The following PCDHGA2 variants were observed in gnomAD, a reference collection of about 807,000 sequenced individuals.
The protein encoded by PCDHGA2 is protocadherin gamma subfamily A, 2, also known as protocadherin gamma-A2.
A neutral mutation model predicts 59.2 loss-of-function variants in PCDHGA2; 40 were observed. That is an observed-to-expected ratio of 0.68 (90% CI 0.52 to 0.88). The LOEUF (loss-of-function observed/expected upper bound fraction) is 0.88. PCDHGA2 is among the 40% of genes least tolerant of loss of function. The pLI is 0.00. For synonymous variants in PCDHGA2, 560 were observed against 526.0 expected (o/e 1.06, Z -0.89); for missense variants, 1,226 against 1,204.0 (o/e 1.02, Z -0.27).
At position 141,357,135 on chromosome 5, in the gene PCDHGA2, C is replaced by G. The variant is rs566379742; in HGVS notation, c.2424+15740C>G. On this transcript the variant is annotated intron_variant, in intron 1 of 3. Coordinates refer to ENST00000394576, the MANE Select transcript of PCDHGA2 (RefSeq NM_018915.4). Reference sequence around the variant, plus strand: ...CGCTCAAGCAGAGGCTTGTAGTGGTCGTCCAGGACCATGGCCAGCCCCCTC... The same window carrying G: ...CGCTCAAGCAGAGGCTTGTAGTGGTGGTCCAGGACCATGGCCAGCCCCCTC... The G allele has an allele frequency of 1.9e-4, 305 of 1,613,504 alleles. 5 individuals are homozygous for G. The South Asian group carries it at 3.1e-3, about 16-fold the overall frequency.
chr5:141,375,706 T>A lies in PCDHGA2; in HGVS notation c.2424+34311T>A, dbSNP rs1771783904. 12 of 1,614,114 alleles carry A rather than the reference T, an allele frequency of 7.4e-6. No individual in the cohort carries two copies. The East Asian group carries it at 2.2e-4, about 30-fold the overall frequency. On this transcript the variant is annotated intron_variant, in intron 1 of 3. Coordinates refer to ENST00000394576, the MANE Select transcript of PCDHGA2 (RefSeq NM_018915.4). ...CAGCCAGCGACAGCGGGGACCCGCCTCTTAGCAGCAACGTGTCACTGAGCC... is the reference window on the plus strand; with the variant it reads ...CAGCCAGCGACAGCGGGGACCCGCCACTTAGCAGCAACGTGTCACTGAGCC...
chr5:141,364,178 C>G (rs946798028), intron 1 of PCDHGA2: 1 of 887,846 alleles, frequency 1.1e-6, no homozygotes, highest in Admixed American at 3.6e-5. Flanking sequence ...ACTCTGCTCC[C>G]TCCATACTAA....
In PCDHGA2 at chr5:141,375,892, G is replaced by C. The variant is rs753797132; in HGVS notation, c.2424+34497G>C. On this transcript the variant is annotated intron_variant, in intron 1 of 3. Transcript: ENST00000394576. ...ACAGAGACTCGGGCCAGAACGCCTG[G>C]CTGTCCTACCGCCTGCTCAAGGCCA... is the stretch of plus-strand genomic sequence containing the variant. 5 of 1,613,676 alleles carry C rather than the reference G, an allele frequency of 3.1e-6. No individual in the cohort carries two copies. In the Admixed American group the frequency reaches 8.3e-5, roughly 27 times the overall value.
chr5:141,422,661 C>T (rs1289162498), intron 1 of PCDHGA2: 7 of 1,608,938 alleles, frequency 4.4e-6, no homozygotes, highest in Admixed American at 1.7e-5. Flanking sequence ...TGACCGCCCT[C>T]GACCCGGACA....
rs368936951 is a variant in PCDHGA2 at position 141,346,247 on chromosome 5, G to A, written c.2424+4852G>A. ...GCGGCTTGGCGAGTACGCCCGGCTCGCACTTTGTGGGCGCGGACGGGGTTC... is the reference window on the plus strand; with the variant it reads ...GCGGCTTGGCGAGTACGCCCGGCTCACACTTTGTGGGCGCGGACGGGGTTC... On this transcript the variant is annotated intron_variant, in intron 1 of 3. Coordinates refer to ENST00000394576, the MANE Select transcript of PCDHGA2 (RefSeq NM_018915.4). The A allele has an allele frequency of 3.7e-6, 6 of 1,614,046 alleles. No homozygotes were observed. In the African/African-American group the frequency reaches 5.3e-5, roughly 14 times the overall value.
At chr5:141,374,566 T>A in intron 1 of PCDHGA2, 1 of 1,613,700 alleles carries the variant, frequency 6.2e-7, no homozygotes, top group Non-Finnish European at 8.5e-7. Context: ...ATGACCCTGA[T>A]GTGGGAATGA....
chr5:141,512,656 C>G lies in PCDHGA2; in HGVS notation c.*1483C>G, dbSNP rs1262748947. ...CCCTTACAGTAGTGTAGCGCCCCCT[C>G]CCTCTTTCGGCTGGTGTAGAATAGC... On this transcript the variant is annotated 3_prime_UTR_variant, in exon 4 of 4. Coordinates refer to ENST00000394576, the MANE Select transcript of PCDHGA2 (RefSeq NM_018915.4). 1 of 152,508 alleles carries G rather than the reference C, an allele frequency of 6.6e-6. No homozygotes were observed. The highest frequency in any genetic ancestry group is 1.5e-5 in the Non-Finnish European group (1 of 68,228). The allele number at this position is 152,508 out of a possible 1,614,324, so 9.4% of individuals were successfully genotyped here.
At chr5:141,391,618 TA>T (rs2092399304) in intron 1 of PCDHGA2, 3 of 152,366 alleles carry the variant, frequency 2.0e-5, no homozygotes, top group African/African-American at 7.2e-5. Flanking sequence ...TGAGTGGTTT[TA>T]AGAAAGTTTT....
At chr5:141,369,198 T>C (rs1466766598) in intron 1 of PCDHGA2, among the ~76,000 whole-genome samples, 1 of 152,172 alleles carries the variant, frequency 6.6e-6, no homozygotes, top group Non-Finnish European at 1.5e-5. Flanking sequence ...TATCAGATGG[T>C]AAACTGGGGA....
chr5:141,431,609 G>A lies in PCDHGA2; in HGVS notation c.2425-63198G>A. The A allele has an allele frequency of 6.2e-7, 1 of 1,614,232 alleles. No homozygotes were observed. The highest frequency in any genetic ancestry group is 8.5e-7 in the Non-Finnish European group (1 of 1,180,046). On this transcript the variant is annotated intron_variant, in intron 1 of 3. Coordinates refer to ENST00000394576, the MANE Select transcript of PCDHGA2 (RefSeq NM_018915.4). The surrounding 1 kb of genome is among the most constrained non-coding windows in gnomAD (Gnocchi z 4.8). ...GGAAGTGAGGTATTCCTTCCGGTAT[G>A]TGGACGACAAGGCGGCCCAAGTTTT...
In PCDHGA2 at chr5:141,476,784, C is replaced by A; in HGVS notation, c.2425-18023C>A. 1 of 1,613,520 alleles carries A rather than the reference C, an allele frequency of 6.2e-7. No homozygotes were observed. On this transcript the variant is annotated intron_variant, in intron 1 of 3. Transcript: ENST00000394576. The surrounding 1 kb of genome is among the most constrained non-coding windows in gnomAD (Gnocchi z 7.6). ...ACGGCGTTGGACGGAGGGACCCCAGCTCTCTCCGCCAGCCTGCCTATTCAC... is the reference window on the plus strand; with the variant it reads ...ACGGCGTTGGACGGAGGGACCCCAGATCTCTCCGCCAGCCTGCCTATTCAC...
At chr5:141,365,039 G>A (rs577848371) in intron 1 of PCDHGA2, 12 of 1,613,840 alleles carry the variant, frequency 7.4e-6, no homozygotes, top group Non-Finnish European at 9.3e-6. Flanking sequence ...CGACGCAAAC[G>A]ACAATGCGCC....
Position 141,485,449 on chromosome 5 carries a change from A to G in PCDHGA2, c.2425-9358A>G, listed in dbSNP as rs2099613844. 6.2e-7 allele frequency: 1 copy of G among 1,614,054 alleles called. No homozygotes were observed. The highest frequency in any genetic ancestry group is 2.2e-5 in the East Asian group (1 of 44,876). On this transcript the variant is annotated intron_variant, in intron 1 of 3. Coordinates refer to ENST00000394576, the MANE Select transcript of PCDHGA2 (RefSeq NM_018915.4). The surrounding 1 kb of genome is among the most constrained non-coding windows in gnomAD (Gnocchi z 5.7). ...TGCTCATCAAGAACCCAATCGACCG[A>G]GAGGCACTGTGTGGGCTCAGTGCCA...
At chr5:141,384,945 C>T in intron 1 of PCDHGA2, 2 of 1,614,120 alleles carry the variant, frequency 1.2e-6, no homozygotes, top group Non-Finnish European at 1.7e-6. Context: ...AGCCCTCCGA[C>T]GGTCCTTACA....
chr5:141,343,625 A>G (rs918997188), intron 1 of PCDHGA2, among the ~76,000 whole-genome samples: 1 of 152,240 alleles, frequency 6.6e-6, no homozygotes, highest in African/African-American at 2.4e-5. Context: ...TTCCCAAGAA[A>G]GATAACTTGA....
intron 1 of PCDHGA2, chr5:141,345,502 C>A: frequency 1.2e-6 from 2 of 1,614,192 alleles, no homozygotes; most frequent in Non-Finnish European, 1.7e-6. Flanking sequence ...ATCACTTATG[C>A]ATTGACCGAG....
rs192631651 is a variant in PCDHGA2 at position 141,432,052 on chromosome 5, C to T, written c.2425-62755C>T. On this transcript the variant is annotated intron_variant, in intron 1 of 3. Transcript: ENST00000394576. This position sits in a 1 kb window ranked among gnomAD's most constrained non-coding sequence, Gnocchi z 6.0. ...CCGCCACTGACCGGGGAACCCCGCC[C>T]CTATCCACGGAAACTCATATCTCGC... is the stretch of plus-strand genomic sequence containing the variant. The T allele has an allele frequency of 1.2e-6, 2 of 1,614,108 alleles. No individual in the cohort carries two copies. The highest frequency in any genetic ancestry group is 1.3e-5 in the African/African-American group (1 of 74,930).
At chr5:141,387,628 G>A (rs2091015052) in intron 1 of PCDHGA2, 1 of 577,308 alleles carries the variant, frequency 1.7e-6, no homozygotes, top group Admixed American at 3.5e-5. Context: ...GCTGACTCTG[G>A]GCGCCGCTGT....
chr5:141,383,476 G>A, intron 1 of PCDHGA2: 1 of 1,613,748 alleles, frequency 6.2e-7, no homozygotes, highest in Non-Finnish European at 8.5e-7. Flanking sequence ...TAAGTACCCG[G>A]AACTGGTGCT....
Sources: allele counts gnomAD v4.1 joint callset (sites outside exome capture counted in the v4.1 genomes callset), GRCh38; gene constraint gnomAD v4.1.1; non-coding constraint Gnocchi (gnomAD v3.1); transcripts MANE v1.5; gene names NCBI Gene and HGNC (gene_info 2026-07-23, HGNC 2026-07-21).